Variants in ACBD4 observed in about 807,000 individuals in gnomAD.
ACBD4 encodes acyl-CoA binding domain containing 4, also known as acyl-CoA-binding domain-containing protein 4.
Under a neutral mutation model 46.0 loss-of-function variants are expected in ACBD4, and 41 were observed. The ratio of observed to expected loss-of-function variants is 0.89; its 90% CI spans 0.69 to 1.16. The LOEUF (loss-of-function observed/expected upper bound fraction) is 1.16. Ranked by LOEUF, ACBD4 falls within the 50% of genes most tolerant of loss-of-function variation. ACBD4 has a pLI of 0.00. For synonymous variants in ACBD4, 162 were observed against 155.9 expected (o/e 1.04, Z -0.29); for missense variants, 393 against 399.5 (o/e 0.98, Z 0.14).
chr17:45,134,498 C>T (rs1431479707), upstream of ACBD4, among the ~76,000 whole-genome samples: 1 of 152,130 alleles, frequency 6.6e-6, no homozygotes, highest in African/African-American at 2.4e-5. Flanking sequence ...TACAATAGGC[C>T]GGGCGCGGTG....
rs375678654 is a variant in ACBD4 at position 45,137,396 on chromosome 17, T to C, written c.444T>C (p.Asp148=). 8 of 1,613,778 alleles carry C rather than the reference T, an allele frequency of 5.0e-6. No homozygotes were observed. The highest frequency in any genetic ancestry group is 6.8e-6 in the Non-Finnish European group (8 of 1,179,966). ...TGWKEQVVNG[D]VGAVSEPPCL... The stretch of plus-strand genomic sequence containing the variant: ...GGAAAGAGCAGGTTGTGAATGGAGA[T>C]GTTGGGGCTGTTTCAGAGCCTCCCT... Residue 148 remains aspartate (D), a synonymous_variant, in exon 6 of 10, where the codon GAT becomes GAC. Transcript: ENST00000321854.
intron 8 of ACBD4, among the ~76,000 whole-genome samples, chr17:45,138,787 TAA>T (rs78362547): frequency 1.0e-4 from 11 of 108,430 alleles, no homozygotes; most frequent in East Asian, 2.6e-4. Context: ...CAAGACTGTC[TAA>T]AAAAAAAAAA....
At chr17:45,140,473 G>A (rs758353546) in intron 9 of ACBD4, among the ~76,000 whole-genome samples, 21 of 148,164 alleles carry the variant, frequency 1.4e-4, no homozygotes, top group Admixed American at 2.7e-4. Context: ...GAGCCACCAC[G>A]CCTGGCCCCC....
intron 6 of ACBD4, 83 bp downstream of exon 6, chr17:45,137,537 C>T: frequency 6.7e-7 from 1 of 1,496,766 alleles, no homozygotes; most frequent in Non-Finnish European, 9.3e-7. Context: ...ACGCTGTGCC[C>T]TCCACAGACA....
At chr17:45,132,476 T>C (rs2054478449), upstream of ACBD4, 3 of 1,013,156 alleles carry the variant, frequency 3.0e-6, no homozygotes, top group Admixed American at 4.9e-5. This position sits in a 1 kb window ranked among gnomAD's most constrained non-coding sequence, Gnocchi z 4.6. Context: ...GGGGCGCCGC[T>C]CTGGCCCGGC....
rs1186565045 is a variant in ACBD4, at chr17:45,143,514, C to T, written c.861C>T (p.Leu287=). The T allele has an allele frequency of 6.2e-7, 1 of 1,613,962 alleles. No homozygotes were observed. Among genetic ancestry groups the T allele is most frequent in the Non-Finnish European group, 8.5e-7 (1 of 1,179,986 alleles). Residue 287 remains leucine (L), a synonymous_variant, in exon 10 of 10, where the codon CTC becomes CTT. Transcript: ENST00000321854. ...GLPGPALLFF[L]LWPFVVQWLF... is the part of the protein sequence containing the mutation. ...CGGGGCCCGCGCTGCTCTTCTTCCT[C>T]CTGTGGCCCTTCGTCGTCCAGTGGC... is the stretch of plus-strand genomic sequence containing the variant.
At chr17:45,140,748 C>T (rs1311627368) in intron 9 of ACBD4, among the ~76,000 whole-genome samples, 1 of 151,972 alleles carries the variant, frequency 6.6e-6, no homozygotes, top group East Asian at 1.9e-4. Context: ...CGTGGTGGCT[C>T]ACGCCTGTAA....
At chr17:45,137,214 C>A (rs1316322112) in intron 5 of ACBD4, 75 bp downstream of exon 5, 1 of 1,606,234 alleles carries the variant, frequency 6.2e-7, no homozygotes, top group Non-Finnish European at 8.5e-7. Context: ...GGGCTGGGGG[C>A]AGAGGGCTCC....
At chr17:45,138,126 A>G in intron 8 of ACBD4, 138 bp downstream of exon 8, 1 of 948,188 alleles carries the variant, frequency 1.1e-6, no homozygotes, top group Non-Finnish European at 1.6e-6. Context: ...CTGTCCAGGA[A>G]GGGCTGCCAA....
chr17:45,134,341 G>A (rs1489528967), upstream of ACBD4, among the ~76,000 whole-genome samples: 1 of 152,214 alleles, frequency 6.6e-6, no homozygotes, highest in East Asian at 1.9e-4. Flanking sequence ...GCCGGATGCG[G>A]TGGCTCACGC....
chr17:45,141,978 A>G (rs1421735686), intron 9 of ACBD4, among the ~76,000 whole-genome samples: 4 of 152,012 alleles, frequency 2.6e-5, no homozygotes, highest in Non-Finnish European at 5.9e-5. Context: ...TTTAACATCT[A>G]CTAGCTATCA....
upstream of ACBD4, among the ~76,000 whole-genome samples, chr17:45,134,418 C>G (rs1346818252): frequency 6.6e-6 from 1 of 151,592 alleles, no homozygotes; most frequent in African/African-American, 2.4e-5. Flanking sequence ...TGAATGAAGA[C>G]CAGCCTGGGC....
upstream of ACBD4, among the ~76,000 whole-genome samples, chr17:45,134,994 G>A (rs1748325498): frequency 7.0e-6 from 1 of 143,114 alleles, no homozygotes; most frequent in South Asian, 2.2e-4. Context: ...TTGAGATGGA[G>A]TCTCACTCTC....
rs1246380904 is a variant in ACBD4 at position 45,143,695 on chromosome 17, C to A, written c.*124C>A. 3.9e-6 allele frequency: 6 copies of A among 1,532,968 alleles called. No homozygotes were observed. The highest frequency in any genetic ancestry group is 5.3e-6 in the Non-Finnish European group (6 of 1,122,160). 95.0% of individuals were successfully genotyped at this position (1,532,968 alleles called of 1,614,324 possible). ...GTCAGTGTTTGCCTTCGCACCTCCT[C>A]CCCTAAAGCAGCGCGGGGGGCAAAT... is the stretch of plus-strand genomic sequence containing the variant. On this transcript the variant is annotated 3_prime_UTR_variant, in exon 10 of 10. Coordinates refer to ENST00000321854, the MANE Select transcript of ACBD4 (RefSeq NM_001135705.3).
In ACBD4 at chr17:45,143,515, C is replaced by T; in HGVS notation, c.862C>T (p.Leu288=). The T allele has an allele frequency of 6.2e-7, 1 of 1,614,014 alleles. No individual in the cohort carries two copies. Among genetic ancestry groups the T allele is most frequent in the Non-Finnish European group, 8.5e-7 (1 of 1,180,000 alleles). ...LPGPALLFFL[L]WPFVVQWLFR... is the part of the protein sequence containing the mutation. ...GGGGCCCGCGCTGCTCTTCTTCCTC[C>T]TGTGGCCCTTCGTCGTCCAGTGGCT... is the stretch of plus-strand genomic sequence containing the variant. The change falls in exon 10 of 10, where the codon CTG becomes TTG. Residue 288 remains leucine, a synonymous_variant. Transcript: ENST00000321854.
chr17:45,139,323 G>A (rs2055114991), intron 9 of ACBD4, among the ~76,000 whole-genome samples, 163 bp downstream of exon 9: 1 of 152,210 alleles, frequency 6.6e-6, no homozygotes, highest in Non-Finnish European at 1.5e-5. Flanking sequence ...GGGGGTGAGG[G>A]TGGAGGGGGC....
upstream of ACBD4, among the ~76,000 whole-genome samples, chr17:45,131,686 C>T (rs1310238631): frequency 4.6e-5 from 7 of 152,352 alleles, no homozygotes; most frequent in East Asian, 9.6e-4. Context: ...AGTTACATTC[C>T]TTCTCCACGA....
At chr17:45,140,005 G>A (rs1425285107) in intron 9 of ACBD4, among the ~76,000 whole-genome samples, 1 of 152,120 alleles carries the variant, frequency 6.6e-6, no homozygotes, top group Non-Finnish European at 1.5e-5. Context: ...GGTAGTGGGG[G>A]CAGAGAGGGC....
rs376548252 is a variant in ACBD4, at chr17:45,137,002, G to T, written c.295-17G>T. The T allele has an allele frequency of 6.2e-7, 1 of 1,613,900 alleles. No homozygotes were observed. The highest frequency in any genetic ancestry group is 1.3e-5 in the African/African-American group (1 of 74,928). On this transcript the variant is annotated splice_polypyrimidine_tract_variant and intron_variant, in intron 4 of 9. Transcript: ENST00000321854. ...ACAGGAGGCCACTCCGTCCCCAACA[G>T]ACCCCCTCCCCTACAGGTGATCGAC... is the stretch of plus-strand genomic sequence containing the variant.
Sources: allele counts gnomAD v4.1 joint callset (sites outside exome capture counted in the v4.1 genomes callset), GRCh38; gene constraint gnomAD v4.1.1; non-coding constraint Gnocchi (gnomAD v3.1); transcripts MANE v1.5; gene names NCBI Gene and HGNC (gene_info 2026-07-23, HGNC 2026-07-21).